Variants in HNRNPL observed in about 807,000 individuals in gnomAD.
HNRNPL encodes epididymis secretory sperm binding protein.
A neutral mutation model predicts 64.0 loss-of-function variants in HNRNPL; 12 were observed. That is an observed-to-expected ratio of 0.19 (90% CI 0.12 to 0.30). The LOEUF (loss-of-function observed/expected upper bound fraction) is 0.30. Ranked by LOEUF, HNRNPL falls within the 10% of genes least tolerant of loss-of-function variation. The pLI is 1.00. For missense variants in HNRNPL, 484 were observed against 797.4 expected (o/e 0.61, Z 4.73); for synonymous variants, 385 against 313.0 (o/e 1.23, Z -2.43).
At chr19:38,842,464 G>A (rs1010433035) in intron 6 of HNRNPL, 3 of 152,318 alleles carry the variant, frequency 2.0e-5, no homozygotes, top group African/African-American at 7.2e-5. Context: ...CTGCTGCCAT[G>A]TTGCGTCTCT....
chr19:38,839,060 G>A (rs768720452), intron 8 of HNRNPL, 45 bp from the exon 9 acceptor site: 13 of 1,607,892 alleles, frequency 8.1e-6, no homozygotes, highest in Admixed American at 6.7e-5. Flanking sequence ...CAGCTGCCAG[G>A]GTCCCCTCTC....
intron 11 of HNRNPL, 45 bp downstream of exon 11, chr19:38,837,549 A>G: frequency 4.3e-6 from 7 of 1,610,844 alleles, no homozygotes; most frequent in Non-Finnish European, 5.9e-6. Flanking sequence ...GCTGCCCACC[A>G]ACCACCATGC....
chr19:38,841,721 G>A (rs772310855), intron 6 of HNRNPL: 20 of 882,084 alleles, frequency 2.3e-5, no homozygotes, highest in East Asian at 6.2e-5. Context: ...TACAAGTCAC[G>A]GTACACATCC....
chr19:38,851,511 G>A (rs1972503919), upstream of HNRNPL, among the ~76,000 whole-genome samples: 1 of 152,254 alleles, frequency 6.6e-6, no homozygotes, highest in Non-Finnish European at 1.5e-5. Context: ...CGAAGCTAGC[G>A]TCGTGAGAAA....
At chr19:38,846,865 C>G (rs968540145) in intron 2 of HNRNPL, among the ~76,000 whole-genome samples, 1 of 152,116 alleles carries the variant, frequency 6.6e-6, no homozygotes, top group Non-Finnish European at 1.5e-5. Flanking sequence ...CTGAGATTGT[C>G]ACTGCACTCC....
In HNRNPL at chr19:38,836,553, C is replaced by A; in HGVS notation, c.*169G>T. The A allele has an allele frequency of 4.4e-6, 2 of 454,814 alleles. No individual in the cohort carries two copies. The highest frequency in any genetic ancestry group is 4.0e-5 in the South Asian group (1 of 25,290). 28.2% of individuals were successfully genotyped at this position (454,814 alleles called of 1,614,324 possible). On this transcript the variant is annotated 3_prime_UTR_variant, in exon 13 of 13. Coordinates refer to ENST00000221419, the MANE Select transcript of HNRNPL (RefSeq NM_001533.3). ...CCCTCTCCCTCCCCCTGCAGATTTC[C>A]AGCGTTTCCATTAAGGTTAAGTAAG...
At chr19:38,842,651 G>A (rs141242822) in intron 6 of HNRNPL, among the ~76,000 whole-genome samples, 33 of 152,150 alleles carry the variant, frequency 2.2e-4, no homozygotes, top group Non-Finnish European at 4.0e-4. Flanking sequence ...GTGTGTTGGT[G>A]AGCAATGTGC....
chr19:38,836,837 G>T (rs954015136), intron 12 of HNRNPL, 57 bp from the exon 13 acceptor site: 64 of 1,363,034 alleles, frequency 4.7e-5, no homozygotes, highest in Admixed American at 4.4e-4. Flanking sequence ...CCCAAACCCA[G>T]GTCCCCTCAA....
At chr19:38,847,235 T>C (rs1972329974) in intron 2 of HNRNPL, 81 bp downstream of exon 2, 3 of 650,216 alleles carry the variant, frequency 4.6e-6, no homozygotes, top group South Asian at 3.6e-5. Context: ...AAATCACTAT[T>C]TCCAACCAGA....
rs1972005541 is a variant in HNRNPL, at chr19:38,838,567, G to C, written c.1387C>G (p.Gln463Glu). The C allele has an allele frequency of 6.2e-7, 1 of 1,613,992 alleles. No individual in the cohort carries two copies. Among genetic ancestry groups the C allele is most frequent in the Non-Finnish European group, 8.5e-7 (1 of 1,180,000 alleles). ...VSKQPAIMPG[Q>E]SYGLEDGSCS... ...GACCCGTCTTCCAACCCGTATGACT[G>C]ACCAGGCATGATGGCTGGCTGCTTG... Residue 463 changes from glutamine (Q) to glutamate (E), a missense_variant, in exon 10 of 13, where the codon CAG (glutamine) becomes GAG (glutamate). Around this residue, in one of 9 missense-constraint regions of HNRNPL, gnomAD observed 53 missense variants for 131.3 expected, o/e 0.40. Transcript: ENST00000221419.
chr19:38,837,082 G>A (rs903332611), intron 12 of HNRNPL: 11 of 549,494 alleles, frequency 2.0e-5, no homozygotes, highest in African/African-American at 1.5e-4. Flanking sequence ...CTCTTTCCTA[G>A]GTAACAGAGT....
Position 38,845,929 on chromosome 19 carries a change from C to T in HNRNPL, c.548G>A (p.Gly183Glu). 6.2e-7 allele frequency: 1 copy of T among 1,614,196 alleles called. No individual in the cohort carries two copies. Among genetic ancestry groups the T allele is most frequent in the Non-Finnish European group, 8.5e-7 (1 of 1,180,030 alleles). The change falls in exon 3 of 13, where the codon GGG becomes GAG. Residue 183 changes from glycine (G) to glutamate (E), a missense_variant. Coordinates refer to ENST00000221419, the MANE Select transcript of HNRNPL (RefSeq NM_001533.3). Reference protein sequence around the residue: ...YSTSQKISRPGDSDDSRSVNS... With the variant: ...YSTSQKISRPEDSDDSRSVNS... ...CACGCTCCGGGAGTCATCCGAGTCCCCAGGGCGGGAGATCTTCTGGCTGGT... is the reference window on the plus strand; with the variant it reads ...CACGCTCCGGGAGTCATCCGAGTCCTCAGGGCGGGAGATCTTCTGGCTGGT...
At chr19:38,839,133 C>T (rs544280273) in intron 8 of HNRNPL, 118 bp from the exon 9 acceptor site, 9 of 1,293,944 alleles carry the variant, frequency 7.0e-6, no homozygotes, top group Middle Eastern at 1.9e-4. Context: ...CACAGTTAAT[C>T]GGGACCACTA....
chr19:38,836,853 T>G, intron 12 of HNRNPL, 73 bp from the exon 13 acceptor site: 2 of 1,115,690 alleles, frequency 1.8e-6, no homozygotes, highest in Non-Finnish European at 2.7e-6. Flanking sequence ...CTCAAGTTTG[T>G]ACCCATCTCC....
chr19:38,839,990 G>A (rs529433290), intron 8 of HNRNPL, 106 bp downstream of exon 8: 141 of 1,066,802 alleles, frequency 1.3e-4, no homozygotes, highest in Middle Eastern at 2.1e-4. Flanking sequence ...ACTCATTGGC[G>A]TCTGCCCGCC....
At chr19:38,846,760 T>C (rs1972309533) in intron 2 of HNRNPL, among the ~76,000 whole-genome samples, 1 of 151,936 alleles carries the variant, frequency 6.6e-6, no homozygotes, top group Non-Finnish European at 1.5e-5. Flanking sequence ...TACAAAAAAT[T>C]AGCCGGGTGG....
chr19:38,836,674 A>G lies in HNRNPL; in HGVS notation c.*48T>C. The G allele has an allele frequency of 7.8e-7, 1 of 1,289,130 alleles. No homozygotes were observed. The highest frequency in any genetic ancestry group is 1.1e-6 in the Non-Finnish European group (1 of 916,990). The allele number at this position is 1,289,130 out of a possible 1,614,324, so 79.9% of individuals were successfully genotyped here. A position where few individuals can be genotyped will look rare whatever the true frequency, so the allele number is the denominator to read the frequency against. ...ACAAAAACAAAAAATGGCATAAAGG[A>G]AAGAGAAATGTCTTCCTGCTCAGAT... is the stretch of plus-strand genomic sequence containing the variant. On this transcript the variant is annotated 3_prime_UTR_variant, in exon 13 of 13. Coordinates refer to ENST00000221419, the MANE Select transcript of HNRNPL (RefSeq NM_001533.3).
intron 4 of HNRNPL, chr19:38,845,381 A>G (rs138899308): frequency 1.2e-4 from 53 of 429,808 alleles, no homozygotes; most frequent in African/African-American, 8.8e-4. Flanking sequence ...CAATAAATAA[A>G]TAAGTAAATA....
chr19:38,849,263 C>G, intron 1 of HNRNPL: 1 of 185,586 alleles, frequency 5.4e-6, no homozygotes, highest in Non-Finnish European at 1.1e-5. Context: ...AGACGGAATT[C>G]CCCACTCTAG....
Sources: allele counts gnomAD v4.1 joint callset (sites outside exome capture counted in the v4.1 genomes callset), GRCh38; gene constraint gnomAD v4.1.1; regional missense constraint gnomAD v4.1.1; transcripts MANE v1.5; gene names NCBI Gene and HGNC (gene_info 2026-07-23, HGNC 2026-07-21).